RAD51C: variants seen among roughly 807,000 people sequenced by gnomAD.
RAD51C encodes the protein DNA repair protein RAD51 homolog 3.
Under a neutral mutation model 45.0 loss-of-function variants are expected in RAD51C, and 42 were observed. That is an observed-to-expected ratio of 0.93 (90% CI 0.73 to 1.21). The LOEUF is 1.21. Ranked by LOEUF, RAD51C falls within the 50% of genes most tolerant of loss-of-function variation. The pLI is 0.00. For synonymous variants in RAD51C, 172 were observed against 159.8 expected, an observed-to-expected ratio of 1.08 and a Z score of -0.58; for missense variants, 474 against 452.2, an observed-to-expected ratio of 1.05 and a Z score of -0.44.
intron 3 of RAD51C, among the ~76,000 whole-genome samples, chr17:58,702,740 G>A (rs535992277): frequency 7.3e-5 from 11 of 151,432 alleles, no homozygotes; most frequent in Non-Finnish European, 1.3e-4. Flanking sequence ...GTTTATGCCT[G>A]TAATCCCAGT....
chr17:58,697,075 T>C (rs2048043565), intron 3 of RAD51C, among the ~76,000 whole-genome samples: 1 of 152,184 alleles, frequency 6.6e-6, no homozygotes, highest in Admixed American at 6.6e-5. Flanking sequence ...CACTTCTTCC[T>C]GTAGGAGCTT....
At chr17:58,710,679 T>A (rs1416645385) in intron 5 of RAD51C, among the ~76,000 whole-genome samples, 1 of 152,192 alleles carries the variant, frequency 6.6e-6, no homozygotes, top group Non-Finnish European at 1.5e-5. Context: ...TCAGATGGAT[T>A]GAAACATAAC....
At chr17:58,730,474 G>A (rs1207458251) in intron 7 of RAD51C, among the ~76,000 whole-genome samples, 19 of 151,958 alleles carry the variant, frequency 1.3e-4, no homozygotes, top group Admixed American at 1.2e-3. Flanking sequence ...ACCGCACCCA[G>A]CCTCAACATA....
chr17:58,698,836 C>T lies in RAD51C; in HGVS notation c.571+1977C>T, dbSNP rs975891188. Among the ~76,000 whole-genome samples, 8 of 149,836 alleles carry T rather than the reference C, an allele frequency of 5.3e-5. No homozygotes were observed. The South Asian group carries it at 6.4e-4, about 12-fold the overall frequency. On this transcript the variant is annotated intron_variant, in intron 3 of 8. Coordinates refer to ENST00000337432, the MANE Select transcript of RAD51C (RefSeq NM_058216.3). ...ACTCAGGAGGATGAGGCAGGAGAAT[C>T]GCTTGAACCCAGGAGGCGGAGGTTG...
At chr17:58,707,226 C>T (rs985391947) in intron 4 of RAD51C, among the ~76,000 whole-genome samples, 2 of 152,042 alleles carry the variant, frequency 1.3e-5, no homozygotes, top group Non-Finnish European at 2.9e-5. Context: ...TGTATAAATC[C>T]TCACCAGAAT....
At chr17:58,696,930 C>G (rs2143751451) in intron 3 of RAD51C, 71 bp downstream of exon 3, 1 of 1,500,984 alleles carries the variant, frequency 6.7e-7, no homozygotes, top group Non-Finnish European at 9.3e-7. Context: ...CATCTGAGAC[C>G]TCAGCAACAC....
chr17:58,716,957 C>T (rs537660291), intron 5 of RAD51C, among the ~76,000 whole-genome samples: 6 of 152,080 alleles, frequency 3.9e-5, no homozygotes, highest in Admixed American at 1.3e-4. Flanking sequence ...CACACCACCA[C>T]GCCCGGCTAA....
At chr17:58,720,516 G>A (rs1206148219) in intron 5 of RAD51C, among the ~76,000 whole-genome samples, 1 of 151,964 alleles carries the variant, frequency 6.6e-6, no homozygotes, top group African/African-American at 2.4e-5. Context: ...TTTTGTCCAG[G>A]CTGGAGTGAA....
rs748589398 is a variant in RAD51C at position 58,720,744 on chromosome 17, A to G, written c.838-2A>G. On this transcript the variant is annotated splice_acceptor_variant, in intron 5 of 8. Transcript: ENST00000337432. LOFTEE classifies it high-confidence loss of function. ...TAATTTTCTTACATTTTGTTTTTGTAGGTAATTTTAACCAATCAGATGACA... is the reference window on the plus strand; with the variant it reads ...TAATTTTCTTACATTTTGTTTTTGTGGGTAATTTTAACCAATCAGATGACA... 1 of 1,607,932 alleles carries G rather than the reference A, an allele frequency of 6.2e-7. No individual in the cohort carries two copies. The highest frequency in any genetic ancestry group is 1.1e-5 in the South Asian group (1 of 90,970).
At position 58,734,547 on chromosome 17, in the gene RAD51C, C is replaced by T; in HGVS notation, c.*325C>T. On this transcript the variant is annotated 3_prime_UTR_variant, in exon 9 of 9. Transcript: ENST00000337432. The stretch of plus-strand genomic sequence containing the variant: ...TTTTCACCCCTTTCTTTCCCAGTTG[C>T]CTATAAAATCTTAGGAAGAAACATA... 1 of 336,612 alleles carries T rather than the reference C, an allele frequency of 3.0e-6. No individual in the cohort carries two copies. The highest frequency in any genetic ancestry group is 5.5e-6 in the Non-Finnish European group (1 of 183,380). The allele number at this position is 336,612 out of a possible 1,614,324, so 20.9% of individuals were successfully genotyped here.
chr17:58,692,959 G>A (rs901144205), intron 1 of RAD51C, 171 bp downstream of exon 1: 4 of 928,130 alleles, frequency 4.3e-6, no homozygotes, highest in Non-Finnish European at 4.9e-6. Context: ...TTGTCTGAAT[G>A]GTTAGGAGAA....
At chr17:58,724,880 G>A (rs2049058782) in intron 7 of RAD51C, among the ~76,000 whole-genome samples, 2 of 152,140 alleles carry the variant, frequency 1.3e-5, no homozygotes, top group African/African-American at 4.8e-5. Flanking sequence ...TGTGGGCAAA[G>A]ATGGAATAAA....
rs1398477230 is a variant in RAD51C, at chr17:58,735,171, A to G, written c.*949A>G. 2 of 152,140 alleles carry G rather than the reference A, an allele frequency of 1.3e-5. No individual in the cohort carries two copies. Among genetic ancestry groups the G allele is most frequent in the African/African-American group, 4.8e-5 (2 of 41,440 alleles). 9.4% of individuals were successfully genotyped at this position (152,140 alleles called of 1,614,324 possible). On this transcript the variant is annotated 3_prime_UTR_variant, in exon 9 of 9. Coordinates refer to ENST00000337432, the MANE Select transcript of RAD51C (RefSeq NM_058216.3). Reference sequence around the variant, plus strand: ...AACATATGTCTTCCAGAATAGGTTGATAAGCTCACAATCATTTATTGCTAC... The same window carrying G: ...AACATATGTCTTCCAGAATAGGTTGGTAAGCTCACAATCATTTATTGCTAC...
rs2049555885 is a variant in RAD51C at position 58,734,077 on chromosome 17, G to C, written c.1027-41G>C. 5.1e-6 allele frequency: 8 copies of C among 1,578,858 alleles called. No individual in the cohort carries two copies. In the East Asian group the frequency reaches 1.9e-4, roughly 37 times the overall value. On this transcript the variant is annotated intron_variant, in intron 8 of 8. Coordinates refer to ENST00000337432, the MANE Select transcript of RAD51C (RefSeq NM_058216.3). ...ATATTTCTAAGATCAGTCTTCAAAT[G>C]TTCTTAAAGCATATTTGTATATATA...
chr17:58,708,031 T>C (rs974375895), intron 4 of RAD51C, among the ~76,000 whole-genome samples: 6 of 152,200 alleles, frequency 3.9e-5, no homozygotes, highest in Non-Finnish European at 8.8e-5. Flanking sequence ...ACAGTCACAC[T>C]GGGAGATAGG....
rs1350148365 is a variant in RAD51C at position 58,735,074 on chromosome 17, T to C, written c.*852T>C. 6.6e-6 allele frequency: 1 copy of C among 152,184 alleles called. No homozygotes were observed. Among genetic ancestry groups the C allele is most frequent in the Non-Finnish European group, 1.5e-5 (1 of 68,038 alleles). 9.4% of individuals were successfully genotyped at this position (152,184 alleles called of 1,614,324 possible). On this transcript the variant is annotated 3_prime_UTR_variant, in exon 9 of 9. Transcript: ENST00000337432. ...AATCCTAAAATCTAAGCCATTTGTTTAGCTTTTAATGACATTTTATAATGT... is the reference window on the plus strand; with the variant it reads ...AATCCTAAAATCTAAGCCATTTGTTCAGCTTTTAATGACATTTTATAATGT...
intron 8 of RAD51C, 44 bp downstream of exon 8, chr17:58,732,588 G>A (rs1440100356): frequency 6.5e-6 from 10 of 1,541,410 alleles, no homozygotes; most frequent in South Asian, 2.2e-5. Context: ...ATTGATGGGC[G>A]GTAATTATCT....
intron 3 of RAD51C, 65 bp downstream of exon 3, chr17:58,696,924 T>G: frequency 6.4e-7 from 1 of 1,552,688 alleles, no homozygotes; most frequent in Admixed American, 1.7e-5. Flanking sequence ...TGTGCCCATC[T>G]GAGACCTCAG....
chr17:58,733,310 C>T (rs2049515025), intron 8 of RAD51C, among the ~76,000 whole-genome samples: 1 of 152,116 alleles, frequency 6.6e-6, no homozygotes, highest in Non-Finnish European at 1.5e-5. Context: ...GCCACCGAGC[C>T]CGGCTTTATC....
Sources: allele counts gnomAD v4.1 joint callset (sites outside exome capture counted in the v4.1 genomes callset), GRCh38; gene constraint gnomAD v4.1.1; transcripts MANE v1.5; gene names NCBI Gene and HGNC (gene_info 2026-07-23, HGNC 2026-07-21).